FBN2: variants seen among roughly 807,000 people sequenced by gnomAD.
The protein encoded by FBN2 is fibrillin-2.
Under a neutral mutation model 355.6 loss-of-function variants are expected in FBN2, and 105 were observed. The observed-to-expected ratio is 0.30, with a 90% CI of 0.25 to 0.35. The LOEUF (loss-of-function observed/expected upper bound fraction) is 0.35, where lower values mean the gene tolerates loss of function less well. Ranked by LOEUF, FBN2 falls within the 10% of genes least tolerant of loss-of-function variation. The pLI is 1.00. For missense variants in FBN2, 3,280 were observed against 3,758.7 expected (o/e 0.87, Z 3.33); for synonymous variants, 1,350 against 1,301.2 (o/e 1.04, Z -0.81).
chr5:128,504,111 G>T (rs1755889378), intron 5 of FBN2, among the ~76,000 whole-genome samples: 1 of 152,222 alleles, frequency 6.6e-6, no homozygotes. Flanking sequence ...TTGGGCCTGT[G>T]AGTGCACAGA....
intron 63 of FBN2, 110 bp from the exon 64 acceptor site, chr5:128,262,017 A>T (rs1764988579): frequency 1.2e-6 from 1 of 840,530 alleles, no homozygotes; most frequent in African/African-American, 1.7e-5. Context: ...CAAACACTAA[A>T]CTCATAAACA....
chr5:128,377,601 AG>A (rs1471104465), intron 13 of FBN2, 150 bp downstream of exon 13: 2 of 822,732 alleles, frequency 2.4e-6, no homozygotes, highest in Non-Finnish European at 3.9e-6. Flanking sequence ...TTGCTTTAAC[AG>A]TCTTATATTA....
intron 8 of FBN2, among the ~76,000 whole-genome samples, chr5:128,397,262 A>G (rs1465749058): frequency 6.6e-6 from 1 of 152,214 alleles, no homozygotes; most frequent in African/African-American, 2.4e-5. Flanking sequence ...CATTTTATGA[A>G]CCCGAAGTAT....
intron 41 of FBN2, among the ~76,000 whole-genome samples, chr5:128,308,554 A>G (rs190902120): frequency 1.9e-3 from 282 of 152,302 alleles, no homozygotes; most frequent in African/African-American, 6.4e-3. Context: ...CTTAGTATCT[A>G]TAGTTATTAA....
chr5:128,425,710 A>G (rs1464127402), intron 7 of FBN2, among the ~76,000 whole-genome samples: 8 of 152,188 alleles, frequency 5.3e-5, no homozygotes, highest in Non-Finnish European at 1.2e-4. Context: ...ACATTCCACT[A>G]TAGAATTATC....
At chr5:128,285,595 A>C (rs1749125897) in intron 55 of FBN2, among the ~76,000 whole-genome samples, 1 of 152,068 alleles carries the variant, frequency 6.6e-6, no homozygotes, top group Non-Finnish European at 1.5e-5. Context: ...ACCCTTCCCA[A>C]CACCCACCCC....
chr5:128,465,485 A>C (rs1754685223), intron 5 of FBN2, among the ~76,000 whole-genome samples: 1 of 152,204 alleles, frequency 6.6e-6, no homozygotes, highest in Non-Finnish European at 1.5e-5. Flanking sequence ...ATTAAAACAA[A>C]TCAATAAAGA....
At chr5:128,299,081 A>G (rs963992821) in intron 48 of FBN2, among the ~76,000 whole-genome samples, 18 of 151,880 alleles carry the variant, frequency 1.2e-4, no homozygotes, top group African/African-American at 2.9e-4. Context: ...GGTCTGTTGG[A>G]GTACTGGGCC....
chr5:128,388,150 T>G (rs1158290867), intron 11 of FBN2, among the ~76,000 whole-genome samples: 1 of 152,158 alleles, frequency 6.6e-6, no homozygotes. Context: ...TTGTCTTAAA[T>G]TAGAATAGCA....
At chr5:128,317,055 A>G (rs922287606) in intron 36 of FBN2, among the ~76,000 whole-genome samples, 2 of 151,950 alleles carry the variant, frequency 1.3e-5, no homozygotes, top group Admixed American at 6.6e-5. Flanking sequence ...CTGTGTCTCT[A>G]ACGCCAGCCT....
At chr5:128,283,355 T>A (rs996886220) in intron 55 of FBN2, among the ~76,000 whole-genome samples, 8 of 152,222 alleles carry the variant, frequency 5.3e-5, no homozygotes, top group Non-Finnish European at 1.2e-4. Flanking sequence ...CATCACTGAT[T>A]GTTTCCTTAA....
chr5:128,275,824 A>G (rs1765381342), intron 59 of FBN2, among the ~76,000 whole-genome samples: 1 of 152,200 alleles, frequency 6.6e-6, no homozygotes, highest in Non-Finnish European at 1.5e-5. Flanking sequence ...GCAGTTTTCT[A>G]TAAGAAGCAA....
rs187786356 is a variant in FBN2, at chr5:128,328,714, C to T, written c.4453G>A (p.Asp1485Asn). Residue 1485 changes from aspartate to asparagine, a missense_variant, in exon 34 of 65, where the codon GAC becomes AAC. By Grantham distance (23) the Asp-to-Asn change is conservative. Coordinates refer to ENST00000262464, the MANE Select transcript of FBN2 (RefSeq NM_001999.4). The part of the protein sequence containing the change: ...ECEMGFTPAS[D>N]SRSCQDIDEC... ...GACCCACCTTGGCAGGATCTGCTGT[C>T]TGAGGCTGGAGTGAAGCCCATCTCA... The T allele has an allele frequency of 1.2e-5, 19 of 1,614,132 alleles. No individual in the cohort carries two copies. Among genetic ancestry groups the T allele is most frequent in the Admixed American group, 6.7e-5 (4 of 60,006 alleles).
At chr5:128,403,169 C>A (rs1436535517) in intron 8 of FBN2, among the ~76,000 whole-genome samples, 2 of 151,986 alleles carry the variant, frequency 1.3e-5, no homozygotes, top group Non-Finnish European at 2.9e-5. Flanking sequence ...TAATTCTGTA[C>A]CTTGCCCTTT....
intron 1 of FBN2, among the ~76,000 whole-genome samples, chr5:128,536,913 T>C (rs1361391640): frequency 6.6e-6 from 1 of 152,076 alleles, no homozygotes; most frequent in Non-Finnish European, 1.5e-5. Flanking sequence ...AGCGCTCGGG[T>C]TGACGATGAG....
intron 9 of FBN2, among the ~76,000 whole-genome samples, chr5:128,394,112 T>C (rs1479198885): frequency 1.3e-5 from 2 of 152,216 alleles, no homozygotes; most frequent in East Asian, 3.8e-4. Context: ...TTAGAGATTT[T>C]GTAAGAATGA....
chr5:128,336,271 C>T (rs1750839857), intron 27 of FBN2, among the ~76,000 whole-genome samples, 158 bp from the exon 28 acceptor site: 1 of 152,202 alleles, frequency 6.6e-6, no homozygotes, highest in Admixed American at 6.5e-5. Flanking sequence ...GCTGGATTCT[C>T]TATTTCCATC....
At chr5:128,357,214 C>T in intron 20 of FBN2, 62 bp downstream of exon 20, 1 of 1,599,972 alleles carries the variant, frequency 6.3e-7, no homozygotes, top group South Asian at 1.1e-5. Context: ...CGTAGTAAGG[C>T]CTGAGATCTG....
chr5:128,284,320 G>A (rs1749072930), intron 55 of FBN2, among the ~76,000 whole-genome samples: 1 of 152,138 alleles, frequency 6.6e-6, no homozygotes, highest in South Asian at 2.1e-4. Flanking sequence ...GGGTCACAGA[G>A]CTAGCACACA....
Sources: gnomAD v4.1 joint callset for allele counts (sites outside exome capture counted in the v4.1 genomes callset) on GRCh38, gnomAD v4.1.1 for gene constraint, MANE v1.5 for transcripts, NCBI Gene and HGNC (gene_info 2026-07-23, HGNC 2026-07-21) for gene names.